RYR1: variants seen among roughly 807,000 people sequenced by gnomAD.
RYR1 encodes the protein ryanodine receptor 1.
Under a neutral mutation model 583.5 loss-of-function variants are expected in RYR1, and 342 were observed. The ratio of observed to expected loss-of-function variants is 0.59; its 90% CI spans 0.54 to 0.64. RYR1 has a LOEUF of 0.64. Among genes scored for constraint, RYR1 ranks in the 30% least tolerant of loss-of-function variants. RYR1 has a pLI of 0.00. For synonymous variants in RYR1, 2,791 were observed against 2,822.5 expected, an observed-to-expected ratio of 0.99 and a Z score of 0.35; for missense variants, 6,032 against 6,917.2, an observed-to-expected ratio of 0.87 and a Z score of 4.54.
At chr19:38,530,987 C>CTCT (rs773883038) in intron 76 of RYR1, among the ~76,000 whole-genome samples, 3,115 of 129,350 alleles carry the variant, frequency 0.024, 109 homozygotes, top group South Asian at 0.16. Flanking sequence ...TTTTCTTTCT[C>CTCT]TTTTTTTTTT....
intron 95 of RYR1, 121 bp downstream of exon 95, chr19:38,572,391 G>T: frequency 1.6e-5 from 18 of 1,133,174 alleles, no homozygotes; most frequent in African/African-American, 4.7e-5. Flanking sequence ...GGGGCCTAGG[G>T]TTGGGGTGAG....
At chr19:38,527,553 A>G in intron 72 of RYR1, 94 bp from the exon 73 acceptor site, 1 of 1,498,010 alleles carries the variant, frequency 6.7e-7, no homozygotes, top group Non-Finnish European at 9.2e-7. Context: ...ACATGCACTC[A>G]CCCATTGAGT....
chr19:38,468,135 A>G lies in RYR1; in HGVS notation c.3381+323A>G, dbSNP rs555677523. On this transcript the variant is annotated intron_variant, in intron 25 of 105. Transcript: ENST00000359596. ...AACCAACCATCCATTCATCCAGCCAACATAGGGAGACCCCATCTCTACAAA... is the reference window on the plus strand; with the variant it reads ...AACCAACCATCCATTCATCCAGCCAGCATAGGGAGACCCCATCTCTACAAA... Among the ~76,000 whole-genome samples, 7 of 147,186 alleles carry G rather than the reference A, an allele frequency of 4.8e-5. No homozygotes were observed. In the East Asian group the frequency reaches 1.4e-3, roughly 30 times the overall value.
At chr19:38,558,527 C>G (rs1972977057) in intron 89 of RYR1, among the ~76,000 whole-genome samples, 1 of 152,298 alleles carries the variant, frequency 6.6e-6, no homozygotes, top group Admixed American at 6.5e-5. Context: ...GCCTGTAATC[C>G]TAACACTTTG....
chr19:38,466,322 C>A lies in RYR1; in HGVS notation c.3102C>A (p.Asn1034Lys). The A allele has an allele frequency of 6.2e-7, 1 of 1,606,896 alleles. No homozygotes were observed. The change falls in exon 24 of 106, where the codon AAC becomes AAA. Residue 1034 changes from asparagine (N) to lysine (K), a missense_variant. Physicochemically the swap from Asn to Lys is moderately conservative, Grantham distance 94. This residue lies in a region of RYR1 where 2,627 missense variants were observed against 2,961.3 expected (regional missense o/e 0.89). Transcript: ENST00000359596. Reference sequence around the variant, plus strand: ...TGGATGAAGCCACCAAGCGCAGCAACCGGGACAGCCTCTGCCAGGCCGTGC... The same window carrying A: ...TGGATGAAGCCACCAAGCGCAGCAAACGGGACAGCCTCTGCCAGGCCGTGC... The part of the protein sequence containing the change: ...RLLDEATKRS[N>K]RDSLCQAVRT...
intron 67 of RYR1, 124 bp from the exon 68 acceptor site, chr19:38,522,904 A>C: frequency 1.2e-6 from 1 of 805,626 alleles, no homozygotes; most frequent in Non-Finnish European, 2.0e-6. Context: ...AGATGACCCT[A>C]GAAACCCCAT....
chr19:38,545,236 T>G (rs1972374062), intron 87 of RYR1, among the ~76,000 whole-genome samples: 1 of 152,118 alleles, frequency 6.6e-6, no homozygotes, highest in African/African-American at 2.4e-5. Flanking sequence ...GTGCTCTGAC[T>G]GTGGGATGGG....
At chr19:38,509,612 C>T (rs147985936) in intron 58 of RYR1, among the ~76,000 whole-genome samples, 3,930 of 151,894 alleles carry the variant, frequency 0.026, 79 homozygotes, top group Admixed American at 0.064. Flanking sequence ...CCACCATGCC[C>T]GGTTAATTTT....
chr19:38,446,392 G>A, intron 7 of RYR1, 80 bp from the exon 8 acceptor site: 1 of 1,061,232 alleles, frequency 9.4e-7, no homozygotes, highest in Admixed American at 1.8e-5. Context: ...GGGAGGAGCA[G>A]GGCCCCTGAC....
chr19:38,509,041 C>T (rs1163693769), intron 58 of RYR1, among the ~76,000 whole-genome samples: 4 of 136,898 alleles, frequency 2.9e-5, no homozygotes, highest in African/African-American at 1.2e-4. Flanking sequence ...CTCCAGTTTC[C>T]CTTAGAGACC....
Position 38,570,595 on chromosome 19 carries a change from C to T in RYR1, c.13660-12C>T, listed in dbSNP as rs749106903. On this transcript the variant is annotated splice_polypyrimidine_tract_variant and intron_variant, in intron 93 of 105. Coordinates refer to ENST00000359596, the MANE Select transcript of RYR1 (RefSeq NM_000540.3). Reference sequence around the variant, plus strand: ...CTGTGAGCGCTTTCTCTCTTTTTCTCTTCTCTCTCAGAACTACCTGTCCCG... The same window carrying T: ...CTGTGAGCGCTTTCTCTCTTTTTCTTTTCTCTCTCAGAACTACCTGTCCCG... The T allele has an allele frequency of 1.2e-6, 2 of 1,609,670 alleles. No homozygotes were observed. The highest frequency in any genetic ancestry group is 2.2e-5 in the South Asian group (2 of 90,984).
rs187535772 is a variant in RYR1 at position 38,438,649 on chromosome 19, C to T, written c.46-2096C>T. 3.4e-4 allele frequency among the ~76,000 whole-genome samples: 37 copies of T among 109,804 alleles called. 1 individual carries two copies. The highest frequency in any genetic ancestry group is 1.2e-3 in the African/African-American group (35 of 28,724). 72.0% of individuals were successfully genotyped at this position (109,804 alleles called of 152,430 possible). A position where few individuals can be genotyped will look rare whatever the true frequency, so the allele number is the denominator to read the frequency against. ...TTTTTTTTTTTTTGAGATGGAGTCTCGCTCTGTCACCCAGGCTCGAGTTCA... is the reference window on the plus strand; with the variant it reads ...TTTTTTTTTTTTTGAGATGGAGTCTTGCTCTGTCACCCAGGCTCGAGTTCA... On this transcript the variant is annotated intron_variant, in intron 1 of 105. Coordinates refer to ENST00000359596, the MANE Select transcript of RYR1 (RefSeq NM_000540.3).
Position 38,505,393 on chromosome 19 carries a change from G to A in RYR1, c.8395G>A (p.Glu2799Lys). Residue 2799 changes from glutamate to lysine, a missense_variant, in exon 53 of 106, where the codon GAG becomes AAG. By Grantham distance (56) the Glu-to-Lys change is moderately conservative. Around this residue, in one of 11 missense-constraint regions of RYR1, gnomAD observed 1,493 missense variants for 1,715.5 expected, o/e 0.87. Transcript: ENST00000359596. ...GCTGAGGCCCTACAAGACCTTTTCA[G>A]AGAAGGTGACCAGGCCTTGGGGCCC... The part of the protein sequence containing the change: ...PMLRPYKTFS[E>K]KDKEIYRWPI... The A allele has an allele frequency of 6.2e-7, 1 of 1,607,458 alleles. No individual in the cohort carries two copies. The highest frequency in any genetic ancestry group is 1.3e-5 in the African/African-American group (1 of 74,876).
chr19:38,516,212 G>A lies in RYR1; in HGVS notation c.9680G>A (p.Arg3227Gln), dbSNP rs878984852. The part of the protein sequence containing the change: ...SVYTTKSPRE[R>Q]AILGLPNSVE... ...TACACCACCAAGTCTCCGCGGGAGCGGGCCAGTAAGCTGTGTGGGGCGGGA... is the reference window on the plus strand; with the variant it reads ...TACACCACCAAGTCTCCGCGGGAGCAGGCCAGTAAGCTGTGTGGGGCGGGA... Residue 3227 changes from arginine (R) to glutamine (Q), a missense_variant, in exon 65 of 106, where the codon CGG becomes CAG. By Grantham distance (43) the Arg-to-Gln change is conservative. Transcript: ENST00000359596. 12 of 1,585,964 alleles carry A rather than the reference G, an allele frequency of 7.6e-6. No individual in the cohort carries two copies. The highest frequency in any genetic ancestry group is 1.7e-4 in the Middle Eastern group (1 of 6,036).
In RYR1 at chr19:38,531,655, G is replaced by A. The variant is rs765347282; in HGVS notation, c.11142-835G>A. 5.9e-5 allele frequency among the ~76,000 whole-genome samples: 9 copies of A among 152,126 alleles called. No homozygotes were observed. In the South Asian group the frequency reaches 6.2e-4, roughly 11 times the overall value. ...GCAAACCTCACTGAATGGGCCAGGC[G>A]CGGTGGCTCACACCTGTAATTCCAG... On this transcript the variant is annotated intron_variant, in intron 76 of 105. Transcript: ENST00000359596.
intron 31 of RYR1, among the ~76,000 whole-genome samples, chr19:38,480,106 A>G (rs759318878): frequency 2.7e-4 from 41 of 151,932 alleles, no homozygotes; most frequent in Non-Finnish European, 5.0e-4. Flanking sequence ...CACAGCTTCA[A>G]CTGTCACCCA....
intron 101 of RYR1, among the ~76,000 whole-genome samples, chr19:38,582,397 C>CA (rs35152797): frequency 7.1e-6 from 1 of 140,272 alleles, no homozygotes; most frequent in Non-Finnish European, 1.5e-5. Context: ...AACTCCGTCT[C>CA]AAAAAAAAGG....
rs774275648 is a variant in RYR1 at position 38,494,624 on chromosome 19, G to A, written c.6547G>A (p.Gly2183Arg). The A allele has an allele frequency of 2.8e-5, 45 of 1,613,852 alleles. No individual in the cohort carries two copies. Among genetic ancestry groups the A allele is most frequent in the Non-Finnish European group, 3.5e-5 (41 of 1,180,022 alleles). The change falls in exon 39 of 106, where the codon GGG becomes AGG. Residue 2183 changes from glycine to arginine, a missense_variant and splice_region_variant. Around this residue, in one of 11 missense-constraint regions of RYR1, gnomAD observed 2,627 missense variants for 2,961.3 expected, o/e 0.89. Transcript: ENST00000359596. ...GGAGAACCTCATGATCCAGAGCATC[G>A]GGTGAGACACCGCCCTTCCCCCTTA... Reference protein sequence around the residue: ...QEENLMIQSIGNIMNNKVFYQ... With the variant: ...QEENLMIQSIRNIMNNKVFYQ...
chr19:38,514,400 C>T (rs1308454914), intron 63 of RYR1, among the ~76,000 whole-genome samples: 1 of 151,274 alleles, frequency 6.6e-6, no homozygotes, highest in Non-Finnish European at 1.5e-5. Context: ...CCTGCCTCAG[C>T]CCCCCGAGTA....
Sources: gnomAD v4.1 joint callset for allele counts (sites outside exome capture counted in the v4.1 genomes callset) on GRCh38, gnomAD v4.1.1 for gene constraint, gnomAD v4.1.1 regional missense constraint, MANE v1.5 for transcripts, NCBI Gene and HGNC (gene_info 2026-07-23, HGNC 2026-07-21) for gene names.